PTPRD: variants seen among roughly 807,000 people sequenced by gnomAD.
PTPRD encodes the protein receptor-type tyrosine-protein phosphatase delta.
In PTPRD, 34 loss-of-function variants were observed where a neutral mutation model predicts 214.5. The ratio of observed to expected loss-of-function variants is 0.16; its 90% CI spans 0.12 to 0.21. PTPRD has a LOEUF of 0.21. Ranked by LOEUF, PTPRD falls within the 10% of genes least tolerant of loss-of-function variation. The pLI is 1.00. For missense variants in PTPRD, 2,545 were observed against 2,398.7 expected (o/e 1.06, Z -1.27); for synonymous variants, 1,128 against 845.7 (o/e 1.33, Z -5.79).
chr9:8,817,857 C>A (rs2096954006), intron 11 of PTPRD, among the ~76,000 whole-genome samples: 1 of 152,104 alleles, frequency 6.6e-6, no homozygotes, highest in African/African-American at 2.4e-5. Flanking sequence ...TGCTCCAAAA[C>A]ATTTGACAAC....
At position 9,007,508 on chromosome 9, in the gene PTPRD, C is replaced by A. The variant is rs886800861; in HGVS notation, c.-104+11189G>T. Among the ~76,000 whole-genome samples, 8 of 151,646 alleles carry A rather than the reference C, an allele frequency of 5.3e-5. No individual in the cohort carries two copies. In the East Asian group the frequency reaches 1.5e-3, roughly 29 times the overall value. ...ATGTGCTTGACCCTATTACTTTTTTCTAAAATACTCCAATAAACCAAATAC... is the reference window on the plus strand; with the variant it reads ...ATGTGCTTGACCCTATTACTTTTTTATAAAATACTCCAATAAACCAAATAC... On this transcript the variant is annotated intron_variant, in intron 11 of 45. Coordinates refer to ENST00000381196, the MANE Select transcript of PTPRD (RefSeq NM_002839.4).
chr9:9,478,873 G>C (rs1481686459), intron 8 of PTPRD, among the ~76,000 whole-genome samples: 2 of 152,126 alleles, frequency 1.3e-5, no homozygotes, highest in South Asian at 4.1e-4. Context: ...TCTCATGTTT[G>C]CTTACGCAGC....
chr9:8,437,624 T>C (rs1417042226), intron 34 of PTPRD, among the ~76,000 whole-genome samples: 2 of 152,142 alleles, frequency 1.3e-5, no homozygotes, highest in Non-Finnish European at 2.9e-5. Flanking sequence ...AACTCTGTGA[T>C]ATTTTGCCCC....
rs536335748 is a variant in PTPRD at position 9,530,288 on chromosome 9, C to T, written c.-237+44444G>A. 2.0e-5 allele frequency among the ~76,000 whole-genome samples: 3 copies of T among 152,002 alleles called. No homozygotes were observed. In the East Asian group the frequency reaches 5.8e-4, roughly 29 times the overall value. Reference sequence around the variant, plus strand: ...GAGTGAAGACCCAAATAAACAAAATCAGAAATGAAAAAGGAGACATTACAA... The same window carrying T: ...GAGTGAAGACCCAAATAAACAAAATTAGAAATGAAAAAGGAGACATTACAA... On this transcript the variant is annotated intron_variant, in intron 8 of 45. Transcript: ENST00000381196.
intron 4 of PTPRD, among the ~76,000 whole-genome samples, chr9:10,025,325 A>G (rs1457185148): frequency 6.6e-6 from 1 of 152,186 alleles, no homozygotes; most frequent in African/African-American, 2.4e-5. Flanking sequence ...TCGCCATTCT[A>G]ACTGGTGCGA....
At chr9:10,077,587 G>C (rs1353167041) in intron 3 of PTPRD, among the ~76,000 whole-genome samples, 1 of 152,046 alleles carries the variant, frequency 6.6e-6, no homozygotes, top group Non-Finnish European at 1.5e-5. Flanking sequence ...AGATTATTTT[G>C]CTATCCAGGT....
At chr9:8,939,831 G>A (rs1326962988) in intron 11 of PTPRD, among the ~76,000 whole-genome samples, 1 of 151,894 alleles carries the variant, frequency 6.6e-6, no homozygotes, top group African/African-American at 2.4e-5. Context: ...TTCACTTAGT[G>A]TTGTACTTGG....
At chr9:10,181,861 CA>C (rs1320701773) in intron 3 of PTPRD, among the ~76,000 whole-genome samples, 2 of 112,412 alleles carry the variant, frequency 1.8e-5, no homozygotes, top group African/African-American at 3.4e-5. Context: ...ACATTGACAA[CA>C]AAAAAAATAG....
chr9:10,397,968 C>T (rs546021753), intron 2 of PTPRD, among the ~76,000 whole-genome samples: 1 of 151,852 alleles, frequency 6.6e-6, no homozygotes, highest in Admixed American at 6.6e-5. Flanking sequence ...TAATTAGGAG[C>T]AGGTAAAATT....
At chr9:10,190,663 AG>A (rs2099359831) in intron 3 of PTPRD, among the ~76,000 whole-genome samples, 1 of 146,458 alleles carries the variant, frequency 6.8e-6, no homozygotes, top group Admixed American at 7.0e-5. Flanking sequence ...AAGTACAGTA[AG>A]CCAAGATCAT....
chr9:8,698,858 T>C (rs1380721820), intron 12 of PTPRD, among the ~76,000 whole-genome samples: 7 of 152,136 alleles, frequency 4.6e-5, no homozygotes, highest in Admixed American at 4.6e-4. Flanking sequence ...ACATGCCCAA[T>C]AAATACCTTC....
In PTPRD at chr9:8,485,242, G is replaced by T; in HGVS notation, c.3138C>A (p.Ser1046=). Residue 1046 remains serine (S), a synonymous_variant, in exon 29 of 46, where the codon TCC becomes TCA. Coordinates refer to ENST00000381196, the MANE Select transcript of PTPRD (RefSeq NM_002839.4). ...AACAACTTACTTTGAAAGGCATGGCGGAGTTATAATTCTCTGGAATCTCCC... is the reference window on the plus strand; with the variant it reads ...AACAACTTACTTTGAAAGGCATGGCTGAGTTATAATTCTCTGGAATCTCCC... The part of the protein sequence containing the change: ...LSWEIPENYN[S]AMPFKILYDD... 6.2e-7 allele frequency: 1 copy of T among 1,613,622 alleles called. No homozygotes were observed. Among genetic ancestry groups the T allele is most frequent in the African/African-American group, 1.3e-5 (1 of 75,014 alleles).
chr9:9,230,077 A>G (rs2099962114), intron 9 of PTPRD, among the ~76,000 whole-genome samples: 1 of 152,096 alleles, frequency 6.6e-6, no homozygotes, highest in Non-Finnish European at 1.5e-5. Context: ...TAAACAGTGT[A>G]TTTGGTCTTT....
chr9:9,033,787 C>T (rs905027504), intron 10 of PTPRD, among the ~76,000 whole-genome samples: 4 of 152,026 alleles, frequency 2.6e-5, no homozygotes, highest in Non-Finnish European at 5.9e-5. Context: ...AGGCATGAAA[C>T]ACCATGACTT....
chr9:8,811,431 G>A (rs1189855757), intron 11 of PTPRD, among the ~76,000 whole-genome samples: 1 of 152,134 alleles, frequency 6.6e-6, no homozygotes, highest in Admixed American at 6.5e-5. Context: ...AACTGAATTA[G>A]TCCCTGGAAA....
intron 8 of PTPRD, among the ~76,000 whole-genome samples, chr9:9,485,823 C>T (rs976038620): frequency 1.3e-5 from 2 of 152,126 alleles, no homozygotes; most frequent in Non-Finnish European, 2.9e-5. Flanking sequence ...CCACTAGACC[C>T]TTCCCATCAG....
chr9:10,313,828 A>G (rs2096341464), intron 3 of PTPRD, among the ~76,000 whole-genome samples: 1 of 151,872 alleles, frequency 6.6e-6, no homozygotes, highest in South Asian at 2.1e-4. Flanking sequence ...TTCCCTTACT[A>G]TGCAGAGAGA....
rs142606220 is a variant in PTPRD, at chr9:9,294,433, T to A, written c.-203+103016A>T. ...CTTGTTATGGATTGAATAAATAAATTCCCTAAAAATTCACATGTTGAACCT... is the reference window on the plus strand; with the variant it reads ...CTTGTTATGGATTGAATAAATAAATACCCTAAAAATTCACATGTTGAACCT... On this transcript the variant is annotated intron_variant, in intron 9 of 45. Transcript: ENST00000381196. 2.2e-4 allele frequency among the ~76,000 whole-genome samples: 33 copies of A among 151,754 alleles called. 1 individual carries two copies. The East Asian group carries it at 6.4e-3, about 30-fold the overall frequency.
chr9:9,567,753 TG>T (rs1206909489), intron 8 of PTPRD, among the ~76,000 whole-genome samples: 1 of 151,924 alleles, frequency 6.6e-6, no homozygotes, highest in African/African-American at 2.4e-5. Context: ...TGAGCTTCCA[TG>T]GAAGCAGAAC....
Sources: gnomAD v4.1 joint callset for allele counts (sites outside exome capture counted in the v4.1 genomes callset) on GRCh38, gnomAD v4.1.1 for gene constraint, MANE v1.5 for transcripts, NCBI Gene and HGNC (gene_info 2026-07-23, HGNC 2026-07-21) for gene names.